Variants in UBE2E3 observed in about 807,000 individuals in gnomAD.
UBE2E3 encodes ubiquitin conjugating enzyme E2 E3, also known as ubiquitin-conjugating enzyme E2 E3.
In UBE2E3, 5 loss-of-function variants were observed where a neutral mutation model predicts 23.6. That is an observed-to-expected ratio of 0.21 (90% CI 0.11 to 0.44). The LOEUF is 0.44. Among genes scored for constraint, UBE2E3 ranks in the 20% least tolerant of loss-of-function variants. The probability of loss-of-function intolerance (pLI) is 0.99; values close to 1 mark genes in which losing one functional copy is unlikely to be tolerated. For synonymous variants in UBE2E3, 78 were observed against 87.5 expected (o/e 0.89, Z 0.60); for missense variants, 81 against 249.8 (o/e 0.32, Z 4.55).
At chr2:181,016,612 C>T (rs2105616839) in intron 3 of UBE2E3, among the ~76,000 whole-genome samples, 1 of 152,306 alleles carries the variant, frequency 6.6e-6, no homozygotes, top group Middle Eastern at 3.4e-3. Flanking sequence ...CAGCTCAAGT[C>T]TGTTGACCCC....
intron 2 of UBE2E3, among the ~76,000 whole-genome samples, 190 bp downstream of exon 2, chr2:180,982,426 C>T (rs905658822): frequency 1.3e-5 from 2 of 152,192 alleles, no homozygotes; most frequent in Non-Finnish European, 2.9e-5. Context: ...TACTTTTAAG[C>T]AAACTTAATT....
chr2:181,013,635 G>A (rs1242123134), intron 3 of UBE2E3, among the ~76,000 whole-genome samples: 4 of 152,162 alleles, frequency 2.6e-5, no homozygotes, highest in African/African-American at 9.7e-5. Context: ...CCTGATGACT[G>A]GGTTTCAAGA....
chr2:181,051,311 T>C (rs901222244), intron 3 of UBE2E3, among the ~76,000 whole-genome samples: 6 of 151,836 alleles, frequency 4.0e-5, no homozygotes, highest in Admixed American at 2.6e-4. Context: ...TATTTCCTTA[T>C]TGGTAGACAT....
chr2:181,046,914 T>A (rs571070233), intron 3 of UBE2E3, among the ~76,000 whole-genome samples: 6 of 152,080 alleles, frequency 3.9e-5, no homozygotes, highest in Non-Finnish European at 8.8e-5. Flanking sequence ...ATTTTTCAAA[T>A]TAAAAATTAC....
intron 2 of UBE2E3, among the ~76,000 whole-genome samples, chr2:180,983,779 C>T (rs1684372847): frequency 6.6e-6 from 1 of 152,148 alleles, no homozygotes; most frequent in African/African-American, 2.4e-5. Flanking sequence ...ATATTCTTTA[C>T]TGAGTACTAG....
chr2:181,043,831 A>G (rs543511086), intron 3 of UBE2E3, among the ~76,000 whole-genome samples: 20 of 152,204 alleles, frequency 1.3e-4, no homozygotes, highest in African/African-American at 4.1e-4. Context: ...ATATTTCTCC[A>G]TGTCATTAAA....
At chr2:180,989,154 G>A (rs1236158919) in intron 3 of UBE2E3, among the ~76,000 whole-genome samples, 2 of 152,054 alleles carry the variant, frequency 1.3e-5, no homozygotes, top group Admixed American at 1.3e-4. Flanking sequence ...ATTTTAAATG[G>A]TTTATGATCA....
intron 3 of UBE2E3, among the ~76,000 whole-genome samples, chr2:181,039,827 T>A (rs1387009813): frequency 6.6e-6 from 1 of 152,252 alleles, no homozygotes; most frequent in African/African-American, 2.4e-5. Flanking sequence ...CTCAAGTTCC[T>A]TATATAAAAT....
intron 3 of UBE2E3, among the ~76,000 whole-genome samples, chr2:181,035,233 T>C (rs550826308): frequency 6.6e-6 from 1 of 152,320 alleles, no homozygotes; most frequent in East Asian, 1.9e-4. Context: ...AACCTACACC[T>C]ATTATACTAT....
chr2:181,028,054 T>G (rs1418555091), intron 3 of UBE2E3, among the ~76,000 whole-genome samples: 1 of 152,076 alleles, frequency 6.6e-6, no homozygotes, highest in Non-Finnish European at 1.5e-5. Flanking sequence ...TTCTAAGATG[T>G]TTTCATTCAT....
chr2:181,052,370 G>A (rs1176835241), intron 3 of UBE2E3, among the ~76,000 whole-genome samples: 2 of 151,682 alleles, frequency 1.3e-5, no homozygotes, highest in African/African-American at 4.8e-5. Flanking sequence ...TATCACTAGA[G>A]ACAGAAACTA....
At chr2:181,039,586 C>T (rs1686413243) in intron 3 of UBE2E3, among the ~76,000 whole-genome samples, 1 of 152,072 alleles carries the variant, frequency 6.6e-6, no homozygotes, top group Non-Finnish European at 1.5e-5. Flanking sequence ...TCCTGAGCAA[C>T]ATGGCGAGAC....
rs1684267736 is a variant in UBE2E3 at position 180,980,989 on chromosome 2, C to CG, written c.-26+22dup. 6.9e-6 allele frequency: 1 copy of CG among 145,932 alleles called. No homozygotes were observed. The highest frequency in any genetic ancestry group is 1.8e-4 in the South Asian group (1 of 5,464). The allele number at this position is 145,932 out of a possible 1,614,324, so 9.0% of individuals were successfully genotyped here. Reference sequence around the variant, plus strand: ...GGCGGCCGAGGTAAGGCGGCGGGGCCGGGGGGCCGCGTGGGGGGCGGCCGG... The same window carrying CG: ...GGCGGCCGAGGTAAGGCGGCGGGGCCGGGGGGGCCGCGTGGGGGGCGGCCGG... On this transcript the variant is annotated intron_variant, in intron 1 of 5. Coordinates refer to ENST00000410062, the MANE Select transcript of UBE2E3 (RefSeq NM_006357.4). The surrounding 1 kb of genome is among the most constrained non-coding windows in gnomAD (Gnocchi z 5.5).
intron 3 of UBE2E3, among the ~76,000 whole-genome samples, chr2:181,030,821 TA>T (rs536044615): frequency 2.6e-5 from 4 of 152,128 alleles, no homozygotes; most frequent in Non-Finnish European, 5.9e-5. Flanking sequence ...TTAGAGCATT[TA>T]TTTTTTTCAT....
At chr2:181,021,481 C>T (rs1685674315) in intron 3 of UBE2E3, among the ~76,000 whole-genome samples, 1 of 131,836 alleles carries the variant, frequency 7.6e-6, no homozygotes, top group African/African-American at 2.9e-5. Flanking sequence ...CTTTCTTTCT[C>T]TCTCTCTCTT....
At chr2:180,992,207 T>A (rs962145792) in intron 3 of UBE2E3, among the ~76,000 whole-genome samples, 1 of 152,220 alleles carries the variant, frequency 6.6e-6, no homozygotes, top group Non-Finnish European at 1.5e-5. Flanking sequence ...TACTCGTTTT[T>A]AAGTTGTTCT....
chr2:181,007,867 AT>A (rs1685200936), intron 3 of UBE2E3, among the ~76,000 whole-genome samples: 1 of 152,234 alleles, frequency 6.6e-6, no homozygotes, highest in African/African-American at 2.4e-5. Flanking sequence ...TTATAATTCA[AT>A]TTTAATTATT....
At chr2:181,051,702 C>A (rs180879867) in intron 3 of UBE2E3, among the ~76,000 whole-genome samples, 6 of 151,866 alleles carry the variant, frequency 4.0e-5, no homozygotes, top group Non-Finnish European at 7.4e-5. Context: ...TTTAAGTATA[C>A]CAATTCTGAA....
At chr2:180,991,211 C>T (rs1166626900) in intron 3 of UBE2E3, among the ~76,000 whole-genome samples, 1 of 151,640 alleles carries the variant, frequency 6.6e-6, no homozygotes, top group Non-Finnish European at 1.5e-5. Context: ...AGTTATGGCC[C>T]TCTATAATAG....
Sources: allele counts gnomAD v4.1 joint callset (sites outside exome capture counted in the v4.1 genomes callset), GRCh38; gene constraint gnomAD v4.1.1; non-coding constraint Gnocchi (gnomAD v3.1); transcripts MANE v1.5; gene names NCBI Gene and HGNC (gene_info 2026-07-23, HGNC 2026-07-21).